ATOH8: variants seen among roughly 807,000 people sequenced by gnomAD.
ATOH8 encodes the protein atonal bHLH transcription factor 8, also known as transcription factor ATOH8.
In ATOH8, 9 loss-of-function variants were observed where a neutral mutation model predicts 21.2. The observed-to-expected ratio is 0.42, with a 90% CI of 0.26 to 0.74. The LOEUF is 0.74. ATOH8 is among the 30% of genes least tolerant of loss of function. The pLI is 0.24. For synonymous variants in ATOH8, 253 were observed against 224.0 expected, an observed-to-expected ratio of 1.13 and a Z score of -1.16; for missense variants, 524 against 470.9, an observed-to-expected ratio of 1.11 and a Z score of -1.04.
chr2:85,786,976 T>C lies in ATOH8; in HGVS notation c.*86T>C. 1.3e-6 allele frequency: 2 copies of C among 1,581,560 alleles called. No individual in the cohort carries two copies. Among genetic ancestry groups the C allele is most frequent in the South Asian group, 2.2e-5 (2 of 89,706 alleles). ...CAAGGTGAGCTCGCTGAGTCCAGCC[T>C]CGTGGTCTTCTCCAAGATGCCGCCA... On this transcript the variant is annotated 3_prime_UTR_variant, in exon 3 of 3. Transcript: ENST00000306279.
intron 1 of ATOH8, among the ~76,000 whole-genome samples, chr2:85,755,986 G>A (rs1679682156): frequency 7.0e-6 from 1 of 141,996 alleles, no homozygotes; most frequent in African/African-American, 2.5e-5. Flanking sequence ...GCTTTATCCA[G>A]CAACAAAACA....
intron 1 of ATOH8, among the ~76,000 whole-genome samples, chr2:85,755,320 G>C (rs1464901006): frequency 6.6e-6 from 1 of 152,194 alleles, no homozygotes; most frequent in Non-Finnish European, 1.5e-5. Flanking sequence ...TCTGTCAGCG[G>C]AGGAAGGGGG....
chr2:85,765,492 G>T, intron 2 of ATOH8, among the ~76,000 whole-genome samples: 1 of 152,262 alleles, frequency 6.6e-6, no homozygotes, highest in South Asian at 2.1e-4. Flanking sequence ...GTGGGTGAGA[G>T]AGGAAGCGCC....
chr2:85,754,385 C>A lies in ATOH8; in HGVS notation c.196C>A (p.Arg66=). ...CAACGGGCTGCGGGACAGGACCCAT[C>A]GGCTGCAGCCGGTCCCGGTACCGGT... is the stretch of plus-strand genomic sequence containing the variant. The part of the protein sequence containing the change: ...ATNGLRDRTH[R]LQPVPVPVPV... The change falls in exon 1 of 3, where the codon CGG becomes AGG. Residue 66 remains arginine (R), a synonymous_variant. Transcript: ENST00000306279. 5 of 1,584,916 alleles carry A rather than the reference C, an allele frequency of 3.2e-6. No individual in the cohort carries two copies. The highest frequency in any genetic ancestry group is 4.3e-6 in the Non-Finnish European group (5 of 1,168,438).
In ATOH8 at chr2:85,754,816, G is replaced by A. The variant is rs374945710; in HGVS notation, c.627G>A (p.Ser209=). The part of the protein sequence containing the change: ...IYNNHQDSSA[S]PRKRPGEATA... Reference sequence around the variant, plus strand: ...ATAACCACCAGGATTCCTCCGCGTCGCCTAGGAAACGACCGGGCGAAGCGA... The same window carrying A: ...ATAACCACCAGGATTCCTCCGCGTCACCTAGGAAACGACCGGGCGAAGCGA... Residue 209 remains serine, a synonymous_variant, in exon 1 of 3, where the codon TCG becomes TCA. Coordinates refer to ENST00000306279, the MANE Select transcript of ATOH8 (RefSeq NM_032827.7). 3.0e-5 allele frequency: 49 copies of A among 1,612,786 alleles called. 1 individual carries two copies. In the Middle Eastern group the frequency reaches 1.2e-3, roughly 38 times the overall value.
At chr2:85,778,301 C>CGTGT (rs35948498) in intron 2 of ATOH8, among the ~76,000 whole-genome samples, 1 of 141,390 alleles carries the variant, frequency 7.1e-6, no homozygotes, top group African/African-American at 2.7e-5. Context: ...CACGTGCATA[C>CGTGT]GTGTGTGTGT....
chr2:85,767,485 C>G (rs1680047452), intron 2 of ATOH8, among the ~76,000 whole-genome samples: 2 of 151,434 alleles, frequency 1.3e-5, no homozygotes, highest in African/African-American at 4.9e-5. Context: ...TCTACCCCCG[C>G]TCAACAGGAC....
rs116223496 is a variant in ATOH8 at position 85,781,239 on chromosome 2, G to A, written c.961-5646G>A. Reference sequence around the variant, plus strand: ...AAATGTTATCAGTGGTTTGCTCTCCGTGGAGAGATTAAGGTGATTGAAACA... The same window carrying A: ...AAATGTTATCAGTGGTTTGCTCTCCATGGAGAGATTAAGGTGATTGAAACA... On this transcript the variant is annotated intron_variant, in intron 2 of 2. Transcript: ENST00000306279. The A allele has an allele frequency of 2.5e-3, 622 of 250,872 alleles. 5 individuals are homozygous for A. Among genetic ancestry groups the A allele is most frequent in the African/African-American group, 0.013 (573 of 43,262 alleles). 15.5% of individuals were successfully genotyped at this position (250,872 alleles called of 1,614,324 possible).
At position 85,766,998 on chromosome 2, in the gene ATOH8, G is replaced by A. The variant is rs1459830645; in HGVS notation, c.960+2816G>A. 6.6e-6 allele frequency among the ~76,000 whole-genome samples: 1 copy of A among 152,148 alleles called. No homozygotes were observed. The highest frequency in any genetic ancestry group is 1.5e-5 in the Non-Finnish European group (1 of 68,016). On this transcript the variant is annotated intron_variant, in intron 2 of 2. Coordinates refer to ENST00000306279, the MANE Select transcript of ATOH8 (RefSeq NM_032827.7). This position sits in a 1 kb window ranked among gnomAD's most constrained non-coding sequence, Gnocchi z 4.0. ...ACCGAGGGGGCCTGAAGCCCCAGGG[G>A]AGGGTACTTCCCTGCCTCCTGGGGC...
chr2:85,756,108 G>A (rs1679686230), intron 1 of ATOH8, among the ~76,000 whole-genome samples: 1 of 142,892 alleles, frequency 7.0e-6, no homozygotes, highest in South Asian at 2.2e-4. Context: ...TTGAATCCTT[G>A]GAGGAAAGAG....
intron 2 of ATOH8, among the ~76,000 whole-genome samples, chr2:85,772,004 A>G (rs749501700): frequency 1.1e-4 from 16 of 152,208 alleles, no homozygotes; most frequent in Admixed American, 2.0e-4. Flanking sequence ...CGCTGCCTGA[A>G]GCTCGCACAC....
At chr2:85,778,093 T>C (rs1680379186) in intron 2 of ATOH8, among the ~76,000 whole-genome samples, 1 of 152,248 alleles carries the variant, frequency 6.6e-6, no homozygotes, top group Non-Finnish European at 1.5e-5. Flanking sequence ...TGTTCTTTAA[T>C]CTTCCTGACA....
intron 1 of ATOH8, among the ~76,000 whole-genome samples, chr2:85,759,103 C>G (rs1452089142): frequency 1.3e-5 from 2 of 152,226 alleles, no homozygotes; most frequent in African/African-American, 4.8e-5. Flanking sequence ...GCTACCTCCC[C>G]TGCTGCCCCT....
chr2:85,763,821 C>CGTGTGTGTGTGTGTGTGTGTGT (rs61491730), intron 1 of ATOH8, among the ~76,000 whole-genome samples, 170 bp from the exon 2 acceptor site: 1 of 143,768 alleles, frequency 7.0e-6, no homozygotes, highest in Non-Finnish European at 1.5e-5. Context: ...GATGAGCTGA[C>CGTGTGTGTGTGTGTGTGTGTGT]GTGTGTGTGT....
Position 85,754,578 on chromosome 2 carries a change from C to T in ATOH8, c.389C>T (p.Pro130Leu), listed in dbSNP as rs1829405. 7.6e-6 allele frequency: 11 copies of T among 1,447,326 alleles called. No homozygotes were observed. The highest frequency in any genetic ancestry group is 3.0e-5 in the Admixed American group (1 of 33,896). The allele number at this position is 1,447,326 out of a possible 1,614,324, so 89.7% of individuals were successfully genotyped here. The change falls in exon 1 of 3, where the codon CCT (proline) becomes CTT (leucine). Residue 130 changes from proline to leucine, a missense_variant. Physicochemically the swap from Pro to Leu is moderately conservative, Grantham distance 98. Coordinates refer to ENST00000306279, the MANE Select transcript of ATOH8 (RefSeq NM_032827.7). ...CCCACGCCGCCGCCGCCGCCGCCTCCTGCGCCCCAGAGCCAGGCACCTGGG... is the reference window on the plus strand; with the variant it reads ...CCCACGCCGCCGCCGCCGCCGCCTCTTGCGCCCCAGAGCCAGGCACCTGGG... ...GLPTPPPPPPPAPQSQAPGGP... is the reference protein window; with the variant it reads ...GLPTPPPPPPLAPQSQAPGGP...
chr2:85,758,518 C>A (rs1248555333), intron 1 of ATOH8, among the ~76,000 whole-genome samples: 2 of 152,244 alleles, frequency 1.3e-5, no homozygotes, highest in Non-Finnish European at 2.9e-5. Context: ...GGCCCAGACT[C>A]CTAACAGCTC....
At chr2:85,771,353 G>A (rs1680175557) in intron 2 of ATOH8, among the ~76,000 whole-genome samples, 1 of 152,210 alleles carries the variant, frequency 6.6e-6, no homozygotes. Flanking sequence ...TTGCTGCCTT[G>A]CTGAAAGGAT....
At chr2:85,774,415 C>T in intron 2 of ATOH8, 1 of 985,550 alleles carries the variant, frequency 1.0e-6, no homozygotes, top group Non-Finnish European at 1.2e-6. Context: ...CAGGCCATGC[C>T]CTTTCTACCT....
rs1316601266 is a variant in ATOH8 at position 85,788,712 on chromosome 2, C to T, written c.*1822C>T. On this transcript the variant is annotated 3_prime_UTR_variant, in exon 3 of 3. Coordinates refer to ENST00000306279, the MANE Select transcript of ATOH8 (RefSeq NM_032827.7). ...GGACACAGTTTGTCCCTTGGTTTCA[C>T]CAGTGTCACTTTCTCGTCTCTGCTG... 6.6e-6 allele frequency among the ~76,000 whole-genome samples: 1 copy of T among 152,194 alleles called. No homozygotes were observed. Among genetic ancestry groups the T allele is most frequent in the Non-Finnish European group, 1.5e-5 (1 of 68,038 alleles).
Sources: allele counts gnomAD v4.1 joint callset (sites outside exome capture counted in the v4.1 genomes callset), GRCh38; gene constraint gnomAD v4.1.1; non-coding constraint Gnocchi (gnomAD v3.1); transcripts MANE v1.5; gene names NCBI Gene and HGNC (gene_info 2026-07-23, HGNC 2026-07-21).